Variants in TOP2B observed in about 807,000 individuals in gnomAD.
The protein encoded by TOP2B is DNA topoisomerase II beta.
TOP2B carries 51 observed loss-of-function variants against 193.5 expected under a neutral mutation model. That is an observed-to-expected ratio of 0.26 (90% CI 0.21 to 0.33). The LOEUF (loss-of-function observed/expected upper bound fraction) is 0.33. Ranked by LOEUF, TOP2B falls within the 10% of genes least tolerant of loss-of-function variation. The pLI is 1.00. For synonymous variants in TOP2B, 634 were observed against 635.7 expected, an observed-to-expected ratio of 1.00 and a Z score of 0.04; for missense variants, 1,378 against 1,909.3, an observed-to-expected ratio of 0.72 and a Z score of 5.19.
chr3:25,653,108 C>T (rs1481629697), intron 1 of TOP2B, among the ~76,000 whole-genome samples: 1 of 152,022 alleles, frequency 6.6e-6, no homozygotes, highest in African/African-American at 2.4e-5. Flanking sequence ...ATCTCAACAG[C>T]CCTATAACAA....
At chr3:25,625,403 C>T (rs761185584) in intron 18 of TOP2B, among the ~76,000 whole-genome samples, 3 of 152,146 alleles carry the variant, frequency 2.0e-5, no homozygotes, top group Non-Finnish European at 4.4e-5. Context: ...TTGCATGAAA[C>T]AATGTGAGCA....
In TOP2B at chr3:25,598,346, A is replaced by C; in HGVS notation, c.4842T>G (p.Asp1614Glu). The C allele has an allele frequency of 6.2e-7, 1 of 1,612,736 alleles. No homozygotes were observed. Among genetic ancestry groups the C allele is most frequent in the South Asian group, 1.1e-5 (1 of 90,760 alleles). ...CAAAATCAACATCATCTTCTTCTTCATCAGACTCTGCAAAATATTTTACTT... is the reference window on the plus strand; with the variant it reads ...CAAAATCAACATCATCTTCTTCTTCCTCAGACTCTGCAAAATATTTTACTT... The part of the protein sequence containing the change: ...RKEVKYFAES[D>E]EEEDDVDFAM... Residue 1614 changes from aspartate (D) to glutamate (E), a missense_variant, in exon 36 of 36, where the codon GAT becomes GAG. By Grantham distance (45) the Asp-to-Glu change is conservative. Around this residue, in one of 9 missense-constraint regions of TOP2B, gnomAD observed 556 missense variants for 584.2 expected, o/e 0.95. Coordinates refer to ENST00000264331, the MANE Select transcript of TOP2B (RefSeq NM_001330700.2).
intron 25 of TOP2B, among the ~76,000 whole-genome samples, chr3:25,616,931 T>C (rs1012026770): frequency 2.0e-5 from 3 of 152,066 alleles, no homozygotes; most frequent in Non-Finnish European, 4.4e-5. Flanking sequence ...AATTCCATTA[T>C]GCTTTACAAA....
chr3:25,617,398 T>A (rs1441287699), intron 25 of TOP2B, among the ~76,000 whole-genome samples: 2 of 152,190 alleles, frequency 1.3e-5, no homozygotes, highest in African/African-American at 4.8e-5. Flanking sequence ...AAATAATGAA[T>A]AAGCCTATTA....
intron 1 of TOP2B, among the ~76,000 whole-genome samples, chr3:25,660,516 A>G (rs1228145484): frequency 6.6e-6 from 1 of 152,254 alleles, no homozygotes; most frequent in Non-Finnish European, 1.5e-5. Flanking sequence ...AGAACAGTTA[A>G]GATTTAGACT....
intron 2 of TOP2B, among the ~76,000 whole-genome samples, chr3:25,644,341 A>G (rs1429622540): frequency 6.6e-6 from 1 of 152,242 alleles, no homozygotes; most frequent in Non-Finnish European, 1.5e-5. Context: ...AGCAGTAAAC[A>G]ATAGTCAGTG....
At chr3:25,650,848 T>C (rs1052614846) in intron 1 of TOP2B, among the ~76,000 whole-genome samples, 11 of 152,222 alleles carry the variant, frequency 7.2e-5, no homozygotes, top group Admixed American at 2.0e-4. Flanking sequence ...CCTGTAAACA[T>C]ATTGTAAATC....
Position 25,601,921 on chromosome 3 carries a change from C to T in TOP2B, c.4490-696G>A, listed in dbSNP as rs183228857. Among the ~76,000 whole-genome samples, 60 of 152,138 alleles carry T rather than the reference C, an allele frequency of 3.9e-4. No individual in the cohort carries two copies. In the South Asian group the frequency reaches 9.1e-3, roughly 23 times the overall value. ...TAGAGAAAAAAATGTATGGGATCCT[C>T]GAATACAATGAATAGAAACCAACTC... On this transcript the variant is annotated intron_variant, in intron 33 of 35. Coordinates refer to ENST00000264331, the MANE Select transcript of TOP2B (RefSeq NM_001330700.2).
intron 10 of TOP2B, 49 bp from the exon 11 acceptor site, chr3:25,630,988 T>C: frequency 6.6e-7 from 1 of 1,513,850 alleles, no homozygotes; most frequent in Non-Finnish European, 8.8e-7. Flanking sequence ...AATTCATACA[T>C]TTAGCTAAAA....
chr3:25,608,211 A>C (rs1257083378), intron 30 of TOP2B, among the ~76,000 whole-genome samples: 1 of 152,246 alleles, frequency 6.6e-6, no homozygotes, highest in Non-Finnish European at 1.5e-5. Flanking sequence ...AAAGACCTCA[A>C]TATATTCACA....
chr3:25,630,580 G>A (rs1702926862), intron 11 of TOP2B, 111 bp from the exon 12 acceptor site: 1 of 959,840 alleles, frequency 1.0e-6, no homozygotes, highest in African/African-American at 1.7e-5. Flanking sequence ...GACTATAAAA[G>A]TTATTTTACA....
chr3:25,607,138 A>C (rs1407987986), intron 31 of TOP2B, 33 bp downstream of exon 31: 1 of 1,606,146 alleles, frequency 6.2e-7, no homozygotes, highest in South Asian at 1.1e-5. Context: ...TACAACAATT[A>C]ACTATACCAC....
intron 1 of TOP2B, among the ~76,000 whole-genome samples, chr3:25,654,645 A>G (rs1212277422): frequency 6.6e-6 from 1 of 152,210 alleles, no homozygotes; most frequent in Middle Eastern, 3.2e-3. Context: ...AATCAGAAGA[A>G]TAAAGCTAAA....
chr3:25,661,769 T>G (rs996218819), intron 1 of TOP2B, among the ~76,000 whole-genome samples: 2 of 152,218 alleles, frequency 1.3e-5, no homozygotes, highest in African/African-American at 2.4e-5. Flanking sequence ...GTTTCAGATA[T>G]TGAAAGGCAA....
intron 1 of TOP2B, among the ~76,000 whole-genome samples, chr3:25,651,370 T>C (rs901137947): frequency 3.3e-5 from 5 of 149,526 alleles, no homozygotes; most frequent in Non-Finnish European, 5.9e-5. Flanking sequence ...TGTTATGTAA[T>C]GGCAAGGTAA....
intron 1 of TOP2B, among the ~76,000 whole-genome samples, chr3:25,659,420 A>G (rs1005722775): frequency 1.3e-5 from 2 of 152,252 alleles, no homozygotes; most frequent in Non-Finnish European, 2.9e-5. Context: ...TTATCACTGG[A>G]TTAAAAAAGA....
intron 1 of TOP2B, among the ~76,000 whole-genome samples, chr3:25,647,798 C>A (rs1472819001): frequency 3.3e-5 from 5 of 152,164 alleles, no homozygotes; most frequent in African/African-American, 7.2e-5. Flanking sequence ...CAAAGACTTA[C>A]CATTCTTGCT....
chr3:25,643,093 T>C (rs1437434761), intron 3 of TOP2B, among the ~76,000 whole-genome samples: 2 of 152,156 alleles, frequency 1.3e-5, no homozygotes, highest in Non-Finnish European at 2.9e-5. Flanking sequence ...CTGAGACCCA[T>C]ACAACTGCAC....
intron 21 of TOP2B, among the ~76,000 whole-genome samples, chr3:25,621,228 T>A (rs1702650770): frequency 6.6e-6 from 1 of 152,212 alleles, no homozygotes. Context: ...TTTGACTATT[T>A]TGAATATTCT....
Sources: gnomAD v4.1 joint callset for allele counts (sites outside exome capture counted in the v4.1 genomes callset) on GRCh38, gnomAD v4.1.1 for gene constraint, gnomAD v4.1.1 regional missense constraint, MANE v1.5 for transcripts, NCBI Gene and HGNC (gene_info 2026-07-23, HGNC 2026-07-21) for gene names.